AMBRA1: variants seen among roughly 807,000 people sequenced by gnomAD.
The protein encoded by AMBRA1 is activating molecule in BECN1-regulated autophagy protein 1.
Under a neutral mutation model 125.4 loss-of-function variants are expected in AMBRA1, and 47 were observed. The ratio of observed to expected loss-of-function variants is 0.37; its 90% CI spans 0.30 to 0.48. The LOEUF (loss-of-function observed/expected upper bound fraction) is 0.48. AMBRA1 is among the 20% of genes least tolerant of loss of function. The probability of loss-of-function intolerance (pLI) is 0.99; values close to 1 mark genes in which losing one functional copy is unlikely to be tolerated. For synonymous variants in AMBRA1, 626 were observed against 655.5 expected (o/e 0.95, Z 0.69); for missense variants, 1,331 against 1,693.4 (o/e 0.79, Z 3.76).
At chr11:46,402,134 C>T (rs1348564119) in intron 17 of AMBRA1, among the ~76,000 whole-genome samples, 1 of 152,250 alleles carries the variant, frequency 6.6e-6, no homozygotes, top group Non-Finnish European at 1.5e-5. Context: ...TGCTTCACAA[C>T]TCCCCGTAGC....
chr11:46,483,426 T>C (rs1950150595), intron 11 of AMBRA1, among the ~76,000 whole-genome samples: 1 of 152,166 alleles, frequency 6.6e-6, no homozygotes, highest in Non-Finnish European at 1.5e-5. Flanking sequence ...CCTTTGTTGA[T>C]CAGCAAGTTT....
intron 1 of AMBRA1, among the ~76,000 whole-genome samples, chr11:46,592,623 T>A (rs1751123664): frequency 6.6e-6 from 1 of 151,992 alleles, no homozygotes; most frequent in African/African-American, 2.4e-5. Context: ...CCGAGTGTGG[T>A]GGCGCGCGCC....
chr11:46,404,735 G>A (rs560644639), intron 17 of AMBRA1, among the ~76,000 whole-genome samples: 1 of 152,250 alleles, frequency 6.6e-6, no homozygotes, highest in South Asian at 2.1e-4. Flanking sequence ...AGGGGATAGT[G>A]GGGCGAGGAA....
chr11:46,402,151 ATC>A (rs1945796163), intron 17 of AMBRA1, among the ~76,000 whole-genome samples: 1 of 152,178 alleles, frequency 6.6e-6, no homozygotes, highest in Admixed American at 6.5e-5. Flanking sequence ...TAGCTGTGGC[ATC>A]TCTCTTCTGG....
Position 46,417,031 on chromosome 11 carries a change from T to C in AMBRA1, c.3116+882A>G, listed in dbSNP as rs1263410087. On this transcript the variant is annotated intron_variant, in intron 15 of 17. Coordinates refer to ENST00000683756, the MANE Select transcript of AMBRA1 (RefSeq NM_001387011.1). ...TCCCTACTTCAAGACCAGATAATAA[T>C]TGCTTTGACTGTAAATTGAGCTTTT... Among the ~76,000 whole-genome samples, 6 of 152,192 alleles carry C rather than the reference T, an allele frequency of 3.9e-5. No homozygotes were observed. The East Asian group carries it at 5.8e-4, about 15-fold the overall frequency.
intron 7 of AMBRA1, among the ~76,000 whole-genome samples, chr11:46,516,151 G>A (rs1951471603): frequency 6.6e-6 from 1 of 152,026 alleles, no homozygotes; most frequent in South Asian, 2.1e-4. Flanking sequence ...GGAATGTGTT[G>A]GCAACATTTG....
chr11:46,450,671 G>A (rs958134191), intron 11 of AMBRA1, among the ~76,000 whole-genome samples: 2 of 152,116 alleles, frequency 1.3e-5, no homozygotes, highest in African/African-American at 4.8e-5. Flanking sequence ...TCCAACTCCT[G>A]AACTCAAGAG....
intron 7 of AMBRA1, among the ~76,000 whole-genome samples, chr11:46,541,575 A>G (rs1447140561): frequency 2.0e-5 from 3 of 152,106 alleles, no homozygotes; most frequent in African/African-American, 7.2e-5. Flanking sequence ...ATTCCTAGGC[A>G]CTCTGGGACT....
At chr11:46,477,444 A>G (rs1949861787) in intron 11 of AMBRA1, among the ~76,000 whole-genome samples, 1 of 149,882 alleles carries the variant, frequency 6.7e-6, no homozygotes, top group Admixed American at 6.7e-5. Flanking sequence ...CAGCCTCCTG[A>G]GTAGCTGGAA....
At chr11:46,486,576 G>C (rs1215181753) in intron 11 of AMBRA1, among the ~76,000 whole-genome samples, 1 of 152,104 alleles carries the variant, frequency 6.6e-6, no homozygotes, top group African/African-American at 2.4e-5. Context: ...AGGGAAGTGG[G>C]GAACATCTAA....
chr11:46,463,404 T>C (rs549614781), intron 11 of AMBRA1, among the ~76,000 whole-genome samples: 1 of 152,170 alleles, frequency 6.6e-6, no homozygotes, highest in African/African-American at 2.4e-5. Context: ...TGCTCTGCTG[T>C]AGAAGGTATG....
intron 11 of AMBRA1, among the ~76,000 whole-genome samples, chr11:46,463,447 G>A (rs1222517271): frequency 6.6e-6 from 1 of 152,128 alleles, no homozygotes; most frequent in Non-Finnish European, 1.5e-5. Flanking sequence ...GAAACAAAGG[G>A]CCACTTGAAT....
At chr11:46,524,778 T>C (rs953236779) in intron 7 of AMBRA1, among the ~76,000 whole-genome samples, 12 of 152,220 alleles carry the variant, frequency 7.9e-5, no homozygotes, top group Non-Finnish European at 1.5e-4. Flanking sequence ...CAAGTCACTA[T>C]GCCTAAAAAG....
In AMBRA1 at chr11:46,586,124, A is replaced by G. The variant is rs114530516; in HGVS notation, c.-121+7704T>C. On this transcript the variant is annotated intron_variant, in intron 1 of 17. Transcript: ENST00000683756. ...CAGCCGAAAATAATAATGATTTTTA[A>G]AACTGGACGCACTGGCTCACACCTG... Among the ~76,000 whole-genome samples, 79 of 152,302 alleles carry G rather than the reference A, an allele frequency of 5.2e-4. 1 individual carries two copies. Among genetic ancestry groups the G allele is most frequent in the African/African-American group, 1.9e-3 (78 of 41,576 alleles).
chr11:46,555,200 GA>G (rs1211674903), intron 1 of AMBRA1, among the ~76,000 whole-genome samples: 3 of 152,182 alleles, frequency 2.0e-5, no homozygotes, highest in Non-Finnish European at 4.4e-5. Flanking sequence ...CACCTTTCCA[GA>G]TTTTCTCTAT....
At chr11:46,563,832 G>A (rs1380030299) in intron 1 of AMBRA1, among the ~76,000 whole-genome samples, 4 of 140,198 alleles carry the variant, frequency 2.9e-5, no homozygotes, top group African/African-American at 1.1e-4. Context: ...GCAACAAAGC[G>A]AGACTGTCTC....
intron 1 of AMBRA1, 67 bp from the exon 2 acceptor site, chr11:46,548,567 A>C (rs1258640300): frequency 7.0e-5 from 43 of 616,552 alleles, no homozygotes; most frequent in Middle Eastern, 6.6e-4. Flanking sequence ...TGCAAATACA[A>C]TTCTAGCTCA....
intron 7 of AMBRA1, among the ~76,000 whole-genome samples, chr11:46,520,140 G>GAA (rs35213610): frequency 4.6e-5 from 5 of 108,546 alleles, no homozygotes; most frequent in African/African-American, 9.6e-5. Flanking sequence ...ACTCCGCCTC[G>GAA]AAAAAAAAAA....
intron 11 of AMBRA1, among the ~76,000 whole-genome samples, chr11:46,469,530 T>C (rs993051935): frequency 1.3e-5 from 2 of 152,206 alleles, no homozygotes; most frequent in African/African-American, 2.4e-5. Flanking sequence ...GTAATATATA[T>C]GAAAACTGTA....
Sources: gnomAD v4.1 joint callset for allele counts (sites outside exome capture counted in the v4.1 genomes callset) on GRCh38, gnomAD v4.1.1 for gene constraint, MANE v1.5 for transcripts, NCBI Gene and HGNC (gene_info 2026-07-23, HGNC 2026-07-21) for gene names.